Variants in OR1J1 observed in about 807,000 individuals in gnomAD.
OR1J1 encodes olfactory receptor 1J1.
For missense variants in OR1J1, 392 were observed against 393.9 expected, an observed-to-expected ratio of 1.00 and a Z score of 0.04; for synonymous variants, 165 against 157.2, an observed-to-expected ratio of 1.05 and a Z score of -0.37.
In OR1J1 at chr9:122,477,372, G is replaced by C; in HGVS notation, c.555C>G (p.Leu185=). 1 of 1,614,084 alleles carries C rather than the reference G, an allele frequency of 6.2e-7. No homozygotes were observed. Residue 185 remains leucine (L), a synonymous_variant, in exon 1 of 1, where the codon CTC becomes CTG. Coordinates refer to ENST00000259357, the MANE Select transcript of OR1J1 (RefSeq NM_001004451.1). ...PHYFCDLGAL[L]KLSCSDTSLN... ...GGGAGGTGTCTGAGCAGGACAACTT[G>C]AGCAGGGCACCAAGGTCACAGAAGT... is the stretch of plus-strand genomic sequence containing the variant.
chr9:122,477,252 G>A lies in OR1J1; in HGVS notation c.675C>T (p.Ile225=). ...LVSYGHIGVT[I]LQIPSTKGIC... is the part of the protein sequence containing the mutation. ...TGCCCTTGGTAGAGGGAATCTGGAG[G>A]ATGGTGACCCCAATGTGACCATAAG... Residue 225 remains isoleucine, a synonymous_variant, in exon 1 of 1, where the codon ATC becomes ATT. Coordinates refer to ENST00000259357, the MANE Select transcript of OR1J1 (RefSeq NM_001004451.1). 1 of 1,614,096 alleles carries A rather than the reference G, an allele frequency of 6.2e-7. No homozygotes were observed.
Position 122,477,605 on chromosome 9 carries a change from CA to C in OR1J1, c.321del (p.Phe107LeufsTer4). ...CISQTYFFIF[F>X]ADLDSFLITS... ...GTGATAAGGAAACTGTCTAAGTCAG[CA>C]AAAAATATGAAAAAATATGTCTGTG... On this transcript the variant is annotated frameshift_variant, in exon 1 of 1. Transcript: ENST00000259357. LOFTEE classifies it low-confidence loss of function (END_TRUNC). 6.2e-7 allele frequency: 1 copy of C among 1,614,056 alleles called. No individual in the cohort carries two copies.
chr9:122,477,036 A>C lies in OR1J1; in HGVS notation c.891T>G (p.Ile297Met), dbSNP rs138921609. The change falls in exon 1 of 1, where the codon ATT (isoleucine) becomes ATG (methionine). Residue 297 changes from isoleucine (I) to methionine (M), a missense_variant. By Grantham distance (10) the Ile-to-Met change is conservative. Transcript: ENST00000259357. Reference protein sequence around the residue: ...PFIYSLRNKDIKGALRKLLSR... With the variant: ...PFIYSLRNKDMKGALRKLLSR... Reference sequence around the variant, plus strand: ...TCAAGAGTTTTCTTAGGGCTCCCTTAATGTCTTTATTTCTCAGACTGTAAA... The same window carrying C: ...TCAAGAGTTTTCTTAGGGCTCCCTTCATGTCTTTATTTCTCAGACTGTAAA... The C allele has an allele frequency of 2.3e-5, 37 of 1,613,904 alleles. No individual in the cohort carries two copies. The Admixed American group carries it at 6.2e-4, about 27-fold the overall frequency.
At position 122,477,430 on chromosome 9, in the gene OR1J1, A is replaced by T. The variant is rs923667816; in HGVS notation, c.497T>A (p.Leu166His). 1 of 1,614,028 alleles carries T rather than the reference A, an allele frequency of 6.2e-7. No individual in the cohort carries two copies. Among genetic ancestry groups the T allele is most frequent in the Non-Finnish European group, 8.5e-7 (1 of 1,179,954 alleles). ...ALLHTLLLAQ[L>H]SFCADHIIPH... Reference sequence around the variant, plus strand: ...GATGATGTGGTCAGCACAGAAGGAAAGCTGGGCCAGGAGGAGGGTATGCAA... The same window carrying T: ...GATGATGTGGTCAGCACAGAAGGAATGCTGGGCCAGGAGGAGGGTATGCAA... Residue 166 changes from leucine (L) to histidine (H), a missense_variant, in exon 1 of 1, where the codon CTT becomes CAT. By Grantham distance (99) the Leu-to-His change is moderately conservative. Transcript: ENST00000259357.
chr9:122,477,859 T>G lies in OR1J1; in HGVS notation c.68A>C (p.Gln23Pro), dbSNP rs144299256. Reference sequence around the variant, plus strand: ...GAACAGGGCGAAGAACACGGCCTGCTGCTCTGGCCGGATGGGGAGGCCCAG... The same window carrying G: ...GAACAGGGCGAAGAACACGGCCTGCGGCTCTGGCCGGATGGGGAGGCCCAG... ...LLLGLPIRPE[Q>P]QAVFFALFLG... Residue 23 changes from glutamine to proline, a missense_variant, in exon 1 of 1, where the codon CAG (glutamine) becomes CCG (proline). By Grantham distance (76) the Gln-to-Pro change is moderately conservative. Coordinates refer to ENST00000259357, the MANE Select transcript of OR1J1 (RefSeq NM_001004451.1). 1.5e-3 allele frequency: 2,372 copies of G among 1,613,964 alleles called. 30 individuals are homozygous for G. The African/African-American group carries it at 0.028, about 19-fold the overall frequency.
At position 122,477,578 on chromosome 9, in the gene OR1J1, A is replaced by C. The variant is rs1176721942; in HGVS notation, c.349T>G (p.Ser117Ala). 2 of 1,614,186 alleles carry C rather than the reference A, an allele frequency of 1.2e-6. No homozygotes were observed. Among genetic ancestry groups the C allele is most frequent in the East Asian group, 4.5e-5 (2 of 44,880 alleles). Residue 117 changes from serine to alanine, a missense_variant, in exon 1 of 1, where the codon TCA becomes GCA. Ser to Ala is a moderately conservative substitution (Grantham distance 99). Transcript: ENST00000259357. Reference protein sequence around the residue: ...FADLDSFLITSMAYDRYVAIC... With the variant: ...FADLDSFLITAMAYDRYVAIC... ...GCCACATACCTGTCATATGCCATTG[A>C]AGTGATAAGGAAACTGTCTAAGTCA... is the stretch of plus-strand genomic sequence containing the variant.
In OR1J1 at chr9:122,477,094, T is replaced by C. The variant is rs753686526; in HGVS notation, c.833A>G (p.Tyr278Cys). The C allele has an allele frequency of 6.2e-7, 1 of 1,613,428 alleles. No homozygotes were observed. The highest frequency in any genetic ancestry group is 1.1e-5 in the South Asian group (1 of 91,054). The change falls in exon 1 of 1, where the codon TAC (tyrosine) becomes TGC (cysteine). Residue 278 changes from tyrosine (Y) to cysteine (C), a missense_variant. Tyr to Cys is a radical substitution (Grantham distance 194). Transcript: ENST00000259357. ...NDKNIIASVI[Y>C]TAVTPMLNPF... is the part of the protein sequence containing the mutation. ...GTTCAACATGGGAGTGACTGCTGTG[T>C]ATATCACTGAAGCAATTATGTTCTT...
In OR1J1 at chr9:122,477,838, A is replaced by G; in HGVS notation, c.89T>C (p.Leu30Pro). 1 of 1,614,044 alleles carries G rather than the reference A, an allele frequency of 6.2e-7. No homozygotes were observed. Among genetic ancestry groups the G allele is most frequent in the Non-Finnish European group, 8.5e-7 (1 of 1,179,990 alleles). ...RPEQQAVFFA[L>P]FLGMYLTTVL... is the part of the protein sequence containing the mutation. ...CGTGGTCAGGTACATGCCCAGGAAC[A>G]GGGCGAAGAACACGGCCTGCTGCTC... The change falls in exon 1 of 1, where the codon CTG becomes CCG. Residue 30 changes from leucine (L) to proline (P), a missense_variant. By Grantham distance (98) the Leu-to-Pro change is moderately conservative. Coordinates refer to ENST00000259357, the MANE Select transcript of OR1J1 (RefSeq NM_001004451.1).
rs755877485 is a variant in OR1J1 at position 122,477,407 on chromosome 9, T to G, written c.520A>C (p.Ile174Leu). Residue 174 changes from isoleucine (I) to leucine (L), a missense_variant, in exon 1 of 1, where the codon ATC becomes CTC. By Grantham distance (5) the Ile-to-Leu change is conservative (BLOSUM62 2). Coordinates refer to ENST00000259357, the MANE Select transcript of OR1J1 (RefSeq NM_001004451.1). ...AQLSFCADHI[I>L]PHYFCDLGAL... is the part of the protein sequence containing the mutation. ...CCAAGGTCACAGAAGTAGTGAGGGA[T>G]GATGTGGTCAGCACAGAAGGAAAGC... is the stretch of plus-strand genomic sequence containing the variant. 57 of 1,613,916 alleles carry G rather than the reference T, an allele frequency of 3.5e-5. No homozygotes were observed. Among genetic ancestry groups the G allele is most frequent in the Non-Finnish European group, 4.8e-5 (57 of 1,179,956 alleles).
Position 122,477,870 on chromosome 9 carries a change from G to C in OR1J1, c.57C>G (p.Ile19Met), listed in dbSNP as rs140482225. ...AGAACACGGCCTGCTGCTCTGGCCG[G>C]ATGGGGAGGCCCAGGAGGAGGAACT... ...VSEFLLLGLPIRPEQQAVFFA... is the reference protein window; with the variant it reads ...VSEFLLLGLPMRPEQQAVFFA... The change falls in exon 1 of 1, where the codon ATC (isoleucine) becomes ATG (methionine). Residue 19 changes from isoleucine to methionine, a missense_variant. Ile to Met is a conservative substitution (Grantham distance 10, BLOSUM62 1). Transcript: ENST00000259357. The C allele has an allele frequency of 1.6e-5, 26 of 1,613,142 alleles. No homozygotes were observed. The highest frequency in any genetic ancestry group is 1.3e-4 in the Admixed American group (8 of 59,970).
chr9:122,477,732 G>T lies in OR1J1; in HGVS notation c.195C>A (p.His65Gln), dbSNP rs1243867000. ...AAAAGGAGATGTCAGTGAGGGCCAAGTGGCTAAGGAAGAAGTACATGGGGG... is the reference window on the plus strand; with the variant it reads ...AAAAGGAGATGTCAGTGAGGGCCAATTGGCTAAGGAAGAAGTACATGGGGG... ...LHTPMYFFLSHLALTDISFSS... is the reference protein window; with the variant it reads ...LHTPMYFFLSQLALTDISFSS... Residue 65 changes from histidine to glutamine, a missense_variant, in exon 1 of 1, where the codon CAC (histidine) becomes CAA (glutamine). By Grantham distance (24) the His-to-Gln change is conservative. Transcript: ENST00000259357. 6.2e-7 allele frequency: 1 copy of T among 1,614,062 alleles called. No homozygotes were observed. Among genetic ancestry groups the T allele is most frequent in the Non-Finnish European group, 8.5e-7 (1 of 1,180,056 alleles).
At position 122,477,614 on chromosome 9, in the gene OR1J1, T is replaced by A; in HGVS notation, c.313A>T (p.Ile105Leu). Residue 105 changes from isoleucine (I) to leucine (L), a missense_variant, in exon 1 of 1, where the codon ATA (isoleucine) becomes TTA (leucine). Coordinates refer to ENST00000259357, the MANE Select transcript of OR1J1 (RefSeq NM_001004451.1). ...AAACTGTCTAAGTCAGCAAAAAATA[T>A]GAAAAAATATGTCTGTGAAATGCAT... is the stretch of plus-strand genomic sequence containing the variant. ...KGCISQTYFF[I>L]FFADLDSFLI... is the part of the protein sequence containing the mutation. The A allele has an allele frequency of 1.2e-6, 2 of 1,614,130 alleles. No homozygotes were observed. Among genetic ancestry groups the A allele is most frequent in the Non-Finnish European group, 1.7e-6 (2 of 1,180,012 alleles).
Position 122,477,917 on chromosome 9 carries a change from C to T in OR1J1, c.10G>A (p.Glu4Lys), listed in dbSNP as rs370226559. Reference protein sequence around the residue: MSPENQSSVSEFLL... With the variant: MSPKNQSSVSEFLL... ...AACTCGGACACGCTGCTCTGGTTCT[C>T]AGGGCTCATGTTTATATCAGCTGGA... The change falls in exon 1 of 1, where the codon GAG becomes AAG. Residue 4 changes from glutamate to lysine, a missense_variant. Coordinates refer to ENST00000259357, the MANE Select transcript of OR1J1 (RefSeq NM_001004451.1). The T allele has an allele frequency of 1.3e-6, 2 of 1,596,212 alleles. No homozygotes were observed. The highest frequency in any genetic ancestry group is 2.7e-5 in the African/African-American group (2 of 74,352).
chr9:122,477,066 T>A lies in OR1J1; in HGVS notation c.861A>T (p.Pro287=). 6.2e-7 allele frequency: 1 copy of A among 1,614,076 alleles called. No homozygotes were observed. Among genetic ancestry groups the A allele is most frequent in the Non-Finnish European group, 8.5e-7 (1 of 1,179,942 alleles). The stretch of plus-strand genomic sequence containing the variant: ...CTTTATTTCTCAGACTGTAAATGAA[T>A]GGGTTCAACATGGGAGTGACTGCTG... The part of the protein sequence containing the change: ...IYTAVTPMLN[P]FIYSLRNKDI... The change falls in exon 1 of 1, where the codon CCA becomes CCT. Residue 287 remains proline (P), a synonymous_variant. Transcript: ENST00000259357.
Position 122,477,719 on chromosome 9 carries a change from C to T in OR1J1, c.208G>A (p.Asp70Asn). The change falls in exon 1 of 1, where the codon GAC (aspartate) becomes AAC (asparagine). Residue 70 changes from aspartate (D) to asparagine (N), a missense_variant. Coordinates refer to ENST00000259357, the MANE Select transcript of OR1J1 (RefSeq NM_001004451.1). ...YFFLSHLALT[D>N]ISFSSVTVPK... is the part of the protein sequence containing the mutation. ...ACAGTGACAGATGAAAAGGAGATGT[C>T]AGTGAGGGCCAAGTGGCTAAGGAAG... 6.2e-7 allele frequency: 1 copy of T among 1,614,136 alleles called. No homozygotes were observed. Among genetic ancestry groups the T allele is most frequent in the Non-Finnish European group, 8.5e-7 (1 of 1,180,036 alleles).
rs747773993 is a variant in OR1J1 at position 122,477,310 on chromosome 9, G to A, written c.617C>T (p.Ala206Val). Residue 206 changes from alanine (A) to valine (V), a missense_variant, in exon 1 of 1, where the codon GCC becomes GTC. Transcript: ENST00000259357. ...QLAIFTAALT[A>V]IMLPFLCILV... The stretch of plus-strand genomic sequence containing the variant: ...GATGCACAGGAATGGAAGCATAATG[G>A]CTGTCAATGCTGCTGTAAAGATTGC... 1 of 1,614,134 alleles carries A rather than the reference G, an allele frequency of 6.2e-7. No individual in the cohort carries two copies. The highest frequency in any genetic ancestry group is 8.5e-7 in the Non-Finnish European group (1 of 1,179,968).
At position 122,477,756 on chromosome 9, in the gene OR1J1, G is replaced by C. The variant is rs141379780; in HGVS notation, c.171C>G (p.Thr57=). ...LLIQLDSHLH[T]PMYFFLSHLA... is the part of the protein sequence containing the mutation. ...AGTGGCTAAGGAAGAAGTACATGGG[G>C]GTGTGAAGGTGAGAGTCTAGCTGGA... Residue 57 remains threonine, a synonymous_variant, in exon 1 of 1, where the codon ACC becomes ACG. Coordinates refer to ENST00000259357, the MANE Select transcript of OR1J1 (RefSeq NM_001004451.1). 1 of 1,614,108 alleles carries C rather than the reference G, an allele frequency of 6.2e-7. No individual in the cohort carries two copies. The highest frequency in any genetic ancestry group is 1.1e-5 in the South Asian group (1 of 91,070).
At position 122,477,123 on chromosome 9, in the gene OR1J1, A is replaced by G. The variant is rs763358115; in HGVS notation, c.804T>C (p.Asn268=). Residue 268 remains asparagine (N), a synonymous_variant, in exon 1 of 1, where the codon AAT becomes AAC. Coordinates refer to ENST00000259357, the MANE Select transcript of OR1J1 (RefSeq NM_001004451.1). ...LYFLPPSSNT[N]DKNIIASVIY... ...TCACTGAAGCAATTATGTTCTTGTC[A>G]TTGGTGTTGCTGGATGGGGGAAGAA... is the stretch of plus-strand genomic sequence containing the variant. The G allele has an allele frequency of 4.7e-5, 76 of 1,613,858 alleles. No homozygotes were observed. The highest frequency in any genetic ancestry group is 6.0e-5 in the Non-Finnish European group (71 of 1,179,860).
chr9:122,477,821 G>C lies in OR1J1; in HGVS notation c.106C>G (p.Leu36Val), dbSNP rs199820995. The C allele has an allele frequency of 2.2e-5, 36 of 1,613,888 alleles. No individual in the cohort carries two copies. Among genetic ancestry groups the C allele is most frequent in the Non-Finnish European group, 2.6e-5 (31 of 1,180,034 alleles). ...AGCAGGTTCCCCAGCACCGTGGTCA[G>C]GTACATGCCCAGGAACAGGGCGAAG... ...VFFALFLGMY[L>V]TTVLGNLLIM... Residue 36 changes from leucine to valine, a missense_variant, in exon 1 of 1, where the codon CTG becomes GTG. Transcript: ENST00000259357.
Sources: allele counts gnomAD v4.1 joint callset, GRCh38; gene constraint gnomAD v4.1.1; transcripts MANE v1.5; gene names NCBI Gene and HGNC (gene_info 2026-07-23, HGNC 2026-07-21).